The following DNMT3B variants were observed in gnomAD, a reference collection of about 807,000 sequenced individuals.
DNMT3B encodes the protein DNA (cytosine-5)-methyltransferase 3B.
A neutral mutation model predicts 120.2 loss-of-function variants in DNMT3B; 37 were observed. That is an observed-to-expected ratio of 0.31 (90% confidence interval 0.24 to 0.40). The LOEUF (loss-of-function observed/expected upper bound fraction) is 0.40. DNMT3B is among the 10% of genes least tolerant of loss of function. The probability of loss-of-function intolerance (pLI) is 1.00; values close to 1 mark genes in which losing one functional copy is unlikely to be tolerated. For missense variants in DNMT3B, 878 were observed against 1,137.3 expected, an observed-to-expected ratio of 0.77 and a Z score of 3.28; for synonymous variants, 412 against 442.8, an observed-to-expected ratio of 0.93 and a Z score of 0.87.
chr20:32,809,017 A>G lies in DNMT3B; in HGVS notation c.*1114A>G. ...TTTAATCCTTTTTTATTCCATAAGA[A>G]GTCGTTTTTAGGGAGAACGGGAATT... is the stretch of plus-strand genomic sequence containing the variant. On this transcript the variant is annotated 3_prime_UTR_variant, in exon 23 of 23. Transcript: ENST00000328111. The G allele has an allele frequency of 4.6e-6, 1 of 217,110 alleles. No homozygotes were observed. Among genetic ancestry groups the G allele is most frequent in the Admixed American group, 5.8e-5 (1 of 17,194 alleles). The allele number at this position is 217,110 out of a possible 1,614,324, so 13.4% of individuals were successfully genotyped here. A position where few individuals can be genotyped will look rare whatever the true frequency, so the allele number is the denominator to read the frequency against.
At chr20:32,803,218 T>C (rs1038103557) in intron 20 of DNMT3B, among the ~76,000 whole-genome samples, 2 of 152,224 alleles carry the variant, frequency 1.3e-5, no homozygotes, top group African/African-American at 4.8e-5. Context: ...GGATTAATTA[T>C]TTCTTCTATA....
intron 14 of DNMT3B, 29 bp from the exon 15 acceptor site, chr20:32,798,431 G>C: frequency 6.2e-7 from 1 of 1,613,820 alleles, no homozygotes; most frequent in Non-Finnish European, 8.5e-7. Context: ...TCTGACAAAG[G>C]CATCCCTTCT....
At chr20:32,783,979 C>T (rs969682570) in intron 3 of DNMT3B, among the ~76,000 whole-genome samples, 1 of 150,908 alleles carries the variant, frequency 6.6e-6, no homozygotes, top group African/African-American at 2.4e-5. Context: ...GGCGCGATCT[C>T]GGCTCGCTGT....
Position 32,786,602 on chromosome 20 carries a change from C to T in DNMT3B, c.407C>T (p.Ser136Phe), listed in dbSNP as rs762297902. The T allele has an allele frequency of 6.2e-6, 10 of 1,613,922 alleles. No individual in the cohort carries two copies. In the Admixed American group the frequency reaches 1.2e-4, roughly 19 times the overall value. ...CAGGGCCGCAACCATGTGGACGAGT[C>T]CCCCGTGGAGTTCCCGGCTACCAGG... ...GRQGRNHVDE[S>F]PVEFPATRSL... is the part of the protein sequence containing the mutation. The change falls in exon 5 of 23, where the codon TCC (serine) becomes TTC (phenylalanine). Residue 136 changes from serine to phenylalanine, a missense_variant. Ser to Phe is a radical substitution (Grantham distance 155). This residue lies in a region of DNMT3B where 287 missense variants were observed against 306.2 expected (regional missense o/e 0.94). Transcript: ENST00000328111.
At chr20:32,804,357 C>T (rs980703746) in intron 20 of DNMT3B, among the ~76,000 whole-genome samples, 4 of 152,188 alleles carry the variant, frequency 2.6e-5, no homozygotes, top group South Asian at 2.1e-4. Flanking sequence ...GGGTCCATGT[C>T]GGAGGTAGGA....
chr20:32,785,492 G>T (rs539727376), intron 4 of DNMT3B, among the ~76,000 whole-genome samples: 1 of 152,252 alleles, frequency 6.6e-6, no homozygotes, highest in Admixed American at 6.5e-5. Context: ...GGTGGATTTT[G>T]TGCCTCAGAG....
intron 16 of DNMT3B, among the ~76,000 whole-genome samples, chr20:32,799,921 T>C (rs560739252): frequency 1.5e-4 from 18 of 123,162 alleles, no homozygotes; most frequent in South Asian, 6.7e-4. Flanking sequence ...TAAGTATAAT[T>C]GGAGATAAAC....
intron 20 of DNMT3B, among the ~76,000 whole-genome samples, chr20:32,802,829 G>A (rs747808739): frequency 2.6e-5 from 4 of 152,142 alleles, no homozygotes; most frequent in Admixed American, 6.5e-5. Context: ...GTGAGACCCC[G>A]TCTCTACAAA....
Position 32,808,479 on chromosome 20 carries a change from C to T in DNMT3B, c.*576C>T, listed in dbSNP as rs1378993471. 4.2e-6 allele frequency: 1 copy of T among 237,172 alleles called. No homozygotes were observed. Among genetic ancestry groups the T allele is most frequent in the East Asian group, 6.1e-5 (1 of 16,432 alleles). 14.7% of individuals were successfully genotyped at this position (237,172 alleles called of 1,614,324 possible). On this transcript the variant is annotated 3_prime_UTR_variant, in exon 23 of 23. Transcript: ENST00000328111. ...TCTTTTACCCGGCACATTCCCCTTG[C>T]CTAAATACAAGGGCTGGAGTCTGCA...
intron 1 of DNMT3B, among the ~76,000 whole-genome samples, chr20:32,765,040 T>C (rs1987222499): frequency 6.6e-6 from 1 of 152,238 alleles, no homozygotes. Flanking sequence ...CCAGCTCTTA[T>C]GCCGGCTGCC....
intron 20 of DNMT3B, among the ~76,000 whole-genome samples, chr20:32,803,190 A>G (rs1332642963): frequency 3.3e-5 from 5 of 152,264 alleles, no homozygotes; most frequent in African/African-American, 1.2e-4. Context: ...TCTGAAAGCC[A>G]CAAAGCAGCT....
At chr20:32,797,665 CT>C (rs34902104) in intron 14 of DNMT3B, among the ~76,000 whole-genome samples, 66 of 146,774 alleles carry the variant, frequency 4.5e-4, no homozygotes, top group Admixed American at 6.1e-4. Flanking sequence ...GCTAGTTATT[CT>C]TTTTTTTTTT....
At chr20:32,779,989 G>T (rs1255244435) in intron 1 of DNMT3B, 9 of 1,277,966 alleles carry the variant, frequency 7.0e-6, no homozygotes, top group African/African-American at 5.9e-5. Flanking sequence ...GGACAGGCAG[G>T]TCCTAAATGG....
chr20:32,789,225 G>A (rs575221231), intron 7 of DNMT3B, among the ~76,000 whole-genome samples: 1 of 152,350 alleles, frequency 6.6e-6, no homozygotes, highest in South Asian at 2.1e-4. Context: ...TGGATCCATG[G>A]GCAGTTGGAT....
At chr20:32,790,325 C>A (rs922494240) in intron 7 of DNMT3B, among the ~76,000 whole-genome samples, 3 of 152,190 alleles carry the variant, frequency 2.0e-5, no homozygotes, top group Non-Finnish European at 4.4e-5. Context: ...TTTGCAATTG[C>A]TTTGCCCCAT....
rs60977561 is a variant in DNMT3B at position 32,785,076 on chromosome 20, G to A, written c.306+217G>A. On this transcript the variant is annotated intron_variant, in intron 4 of 22. Transcript: ENST00000328111. The stretch of plus-strand genomic sequence containing the variant: ...TTCTGAGACGGAGTCTCACTGTGTT[G>A]CCCAGGCTGGCGTGCAATGGCGTGA... Among the ~76,000 whole-genome samples the A allele has an allele frequency of 2.0e-3, 293 of 148,114 alleles. 1 individual carries two copies. The highest frequency in any genetic ancestry group is 7.2e-3 in the African/African-American group (285 of 39,672).
chr20:32,784,864 G>T lies in DNMT3B; in HGVS notation c.306+5G>T, dbSNP rs761596697. On this transcript the variant is annotated splice_donor_5th_base_variant and intron_variant, in intron 4 of 22. Transcript: ENST00000328111. ...ACTCGTTCAGAAAGCCCAGCTGTAAGTAGCCACACCTCGAGCCAAAGCACT... is the reference window on the plus strand; with the variant it reads ...ACTCGTTCAGAAAGCCCAGCTGTAATTAGCCACACCTCGAGCCAAAGCACT... The T allele has an allele frequency of 6.2e-7, 1 of 1,613,974 alleles. No individual in the cohort carries two copies. The highest frequency in any genetic ancestry group is 8.5e-7 in the Non-Finnish European group (1 of 1,180,004).
intron 1 of DNMT3B, among the ~76,000 whole-genome samples, chr20:32,773,700 C>T (rs774906410): frequency 6.6e-6 from 1 of 150,918 alleles, no homozygotes; most frequent in Non-Finnish European, 1.5e-5. Flanking sequence ...GCAGCCTCAA[C>T]TTCCGAGGCT....
intron 1 of DNMT3B, 96 bp from the exon 2 acceptor site, chr20:32,780,222 C>T: frequency 6.2e-7 from 1 of 1,613,124 alleles, no homozygotes; most frequent in Non-Finnish European, 8.5e-7. Flanking sequence ...CATCCTGGGG[C>T]CTTGGCCTGA....
Sources: gnomAD v4.1 joint callset for allele counts (sites outside exome capture counted in the v4.1 genomes callset) on GRCh38, gnomAD v4.1.1 for gene constraint, gnomAD v4.1.1 regional missense constraint, MANE v1.5 for transcripts, NCBI Gene and HGNC (gene_info 2026-07-23, HGNC 2026-07-21) for gene names.